Variants in TRERF1 observed in about 807,000 individuals in gnomAD.
TRERF1 encodes transcriptional regulating factor 1.
TRERF1 carries 27 observed loss-of-function variants against 122.9 expected under a neutral mutation model. The observed-to-expected ratio is 0.22, with a 90% CI of 0.16 to 0.30. The LOEUF is 0.30. Ranked by LOEUF, TRERF1 falls within the 10% of genes least tolerant of loss-of-function variation. The pLI, the probability that TRERF1 is intolerant of heterozygous loss-of-function variation, is 1.00. For missense variants in TRERF1, 1,248 were observed against 1,560.3 expected, an observed-to-expected ratio of 0.80 and a Z score of 3.37; for synonymous variants, 636 against 641.7, an observed-to-expected ratio of 0.99 and a Z score of 0.13.
intron 4 of TRERF1, among the ~76,000 whole-genome samples, chr6:42,280,730 G>A (rs1183198619): frequency 6.8e-6 from 1 of 146,172 alleles, no homozygotes; most frequent in African/African-American, 2.5e-5. Flanking sequence ...GCCCTTAGGA[G>A]GCTGCTGAGG....
At chr6:42,345,951 G>A (rs1167112144) in intron 3 of TRERF1, among the ~76,000 whole-genome samples, 1 of 152,240 alleles carries the variant, frequency 6.6e-6, no homozygotes, top group Non-Finnish European at 1.5e-5. Flanking sequence ...GGCCCAGCAT[G>A]GGCAGGTGCT....
intron 13 of TRERF1, among the ~76,000 whole-genome samples, chr6:42,251,250 C>T (rs1187086372): frequency 6.6e-6 from 1 of 152,130 alleles, no homozygotes; most frequent in African/African-American, 2.4e-5. Flanking sequence ...CCCGCCTTGG[C>T]CTCCCAAAGT....
rs1001687055 is a variant in TRERF1, at chr6:42,254,738, A to G, written c.2656+113T>C. The G allele has an allele frequency of 9.1e-6, 9 of 988,672 alleles. No individual in the cohort carries two copies. In the African/African-American group the frequency reaches 1.4e-4, roughly 16 times the overall value. 61.2% of individuals were successfully genotyped at this position (988,672 alleles called of 1,614,324 possible). ...CTGCCCTAGGAGGCCTTGAGATCAC[A>G]AGTGGTGATTAGGACAGAACCGGTG... On this transcript the variant is annotated intron_variant, in intron 13 of 17. Transcript: ENST00000372922.
At chr6:42,415,317 AT>A (rs1781682577) in intron 2 of TRERF1, among the ~76,000 whole-genome samples, 1 of 151,910 alleles carries the variant, frequency 6.6e-6, no homozygotes, top group Admixed American at 6.6e-5. Flanking sequence ...TTTCCAAATT[AT>A]TTTTCTCAGA....
intron 4 of TRERF1, among the ~76,000 whole-genome samples, chr6:42,273,355 G>A (rs2149955002): frequency 6.6e-6 from 1 of 152,218 alleles, no homozygotes; most frequent in East Asian, 1.9e-4. Context: ...AGGATTTGTT[G>A]AAGGAAGGGC....
chr6:42,236,239 C>T (rs1772149832), exon 16 of TRERF1: 3 of 1,604,450 alleles, frequency 1.9e-6, no homozygotes, highest in Non-Finnish European at 8.5e-7. Context: ...GATGAAGGAG[C>T]CTGAGGGCTG....
intron 2 of TRERF1, among the ~76,000 whole-genome samples, chr6:42,447,428 G>T: frequency 6.6e-6 from 1 of 152,216 alleles, no homozygotes; most frequent in East Asian, 1.9e-4. Flanking sequence ...CTGGAATCCA[G>T]CTGTTCTTGT....
intron 3 of TRERF1, among the ~76,000 whole-genome samples, chr6:42,319,970 C>G (rs1311457508): frequency 6.6e-6 from 1 of 151,206 alleles, no homozygotes; most frequent in Non-Finnish European, 1.5e-5. Context: ...GGTGTGATCT[C>G]AGCTCACTGC....
intron 3 of TRERF1, among the ~76,000 whole-genome samples, chr6:42,305,027 T>C (rs1786922737): frequency 6.6e-6 from 1 of 152,108 alleles, no homozygotes; most frequent in African/African-American, 2.4e-5. Flanking sequence ...AGCTACTATA[T>C]CCCATTCAGA....
At chr6:42,447,987 A>T (rs1008660314) in intron 2 of TRERF1, among the ~76,000 whole-genome samples, 14 of 152,220 alleles carry the variant, frequency 9.2e-5, no homozygotes, top group Admixed American at 2.6e-4. Context: ...TACAGGCATG[A>T]GCCACCGCGC....
At chr6:42,316,079 T>C (rs1762444004) in intron 3 of TRERF1, among the ~76,000 whole-genome samples, 1 of 152,182 alleles carries the variant, frequency 6.6e-6, no homozygotes, top group Non-Finnish European at 1.5e-5. Flanking sequence ...TCAGGCTGCC[T>C]GGCTAATGGG....
chr6:42,256,831 A>G lies in TRERF1; in HGVS notation c.2477T>C (p.Val826Ala), dbSNP rs199709587. Residue 826 changes from valine (V) to alanine (A), a missense_variant and splice_region_variant, in exon 12 of 18, where the codon GTG (valine) becomes GCG (alanine). Transcript: ENST00000372922. Reference sequence around the variant, plus strand: ...ACAGCACAAATTCAGAAGATTCTCCACTGTTGGGAATAAGGAGAAGCCAAT... The same window carrying G: ...ACAGCACAAATTCAGAAGATTCTCCGCTGTTGGGAATAAGGAGAAGCCAAT... 276 of 1,614,138 alleles carry G rather than the reference A, an allele frequency of 1.7e-4. No homozygotes were observed. The highest frequency in any genetic ancestry group is 2.3e-4 in the Non-Finnish European group (269 of 1,179,954).
intron 2 of TRERF1, among the ~76,000 whole-genome samples, chr6:42,432,302 A>G (rs1276502883): frequency 6.6e-6 from 1 of 152,252 alleles, no homozygotes; most frequent in African/African-American, 2.4e-5. Flanking sequence ...AAAGGTCTAT[A>G]GTTTTATTTT....
chr6:42,270,707 C>T (rs563031137), intron 4 of TRERF1, among the ~76,000 whole-genome samples: 3 of 150,656 alleles, frequency 2.0e-5, no homozygotes, highest in Admixed American at 2.0e-4. Flanking sequence ...GAGACTGAGG[C>T]GAGGATTACT....
intron 3 of TRERF1, among the ~76,000 whole-genome samples, chr6:42,334,347 T>G (rs533952478): frequency 1.3e-5 from 2 of 152,246 alleles, no homozygotes; most frequent in African/African-American, 4.8e-5. Context: ...CTTCCACCAT[T>G]ACTACCCTGT....
intron 3 of TRERF1, among the ~76,000 whole-genome samples, chr6:42,343,216 T>C (rs1442169296): frequency 6.6e-6 from 1 of 152,316 alleles, no homozygotes; most frequent in East Asian, 1.9e-4. Context: ...ATATAAATTA[T>C]AGACTGCCAA....
intron 2 of TRERF1, among the ~76,000 whole-genome samples, chr6:42,418,661 C>T (rs569871567): frequency 1.3e-5 from 2 of 151,924 alleles, no homozygotes; most frequent in Non-Finnish European, 1.5e-5. Context: ...CTAGTGGGCT[C>T]GTAGGTAGTT....
intron 2 of TRERF1, among the ~76,000 whole-genome samples, chr6:42,436,302 G>A (rs1471974584): frequency 6.6e-6 from 1 of 151,960 alleles, no homozygotes; most frequent in Non-Finnish European, 1.5e-5. Flanking sequence ...CCAGGAGGCG[G>A]AGTTTGTAGT....
chr6:42,243,057 C>T (rs1479643981), intron 15 of TRERF1, among the ~76,000 whole-genome samples, 191 bp downstream of exon 15: 2 of 152,196 alleles, frequency 1.3e-5, no homozygotes, highest in Non-Finnish European at 2.9e-5. Flanking sequence ...ACAGGCCAAA[C>T]CTATGGACTT....
Sources: allele counts gnomAD v4.1 joint callset (sites outside exome capture counted in the v4.1 genomes callset), GRCh38; gene constraint gnomAD v4.1.1; transcripts MANE v1.5; gene names NCBI Gene and HGNC (gene_info 2026-07-23, HGNC 2026-07-21).